PLEKHA5: variants seen among roughly 807,000 people sequenced by gnomAD.
The protein encoded by PLEKHA5 is pleckstrin homology domain-containing family A member 5.
In PLEKHA5, 55 loss-of-function variants were observed where a neutral mutation model predicts 181.9. That is an observed-to-expected ratio of 0.30 (90% CI 0.24 to 0.38). The LOEUF (loss-of-function observed/expected upper bound fraction) is 0.38, where lower values mean the gene tolerates loss of function less well. Ranked by LOEUF, PLEKHA5 falls within the 10% of genes least tolerant of loss-of-function variation. The probability of loss-of-function intolerance (pLI) is 1.00; values close to 1 mark genes in which losing one functional copy is unlikely to be tolerated. For missense variants in PLEKHA5, 1,432 were observed against 1,549.5 expected (o/e 0.92, Z 1.27); for synonymous variants, 535 against 529.4 (o/e 1.01, Z -0.15).
At chr12:19,349,281 A>C (rs1157366337) in intron 25 of PLEKHA5, among the ~76,000 whole-genome samples, 2 of 151,886 alleles carry the variant, frequency 1.3e-5, no homozygotes, top group East Asian at 3.9e-4. Flanking sequence ...ATACCCAACT[A>C]ATTTTTTAAG....
At chr12:19,313,945 A>T (rs1284055090) in intron 15 of PLEKHA5, among the ~76,000 whole-genome samples, 1 of 152,190 alleles carries the variant, frequency 6.6e-6, no homozygotes, top group African/African-American at 2.4e-5. Flanking sequence ...TTTGTCAACC[A>T]CGATAGAAAT....
chr12:19,177,876 T>A (rs148287257), intron 3 of PLEKHA5, among the ~76,000 whole-genome samples: 156 of 152,374 alleles, frequency 1.0e-3, no homozygotes, highest in African/African-American at 3.6e-3. Context: ...TTTTCTGCCA[T>A]GATTACTTTT....
At chr12:19,248,431 C>T (rs1280425693) in intron 3 of PLEKHA5, among the ~76,000 whole-genome samples, 2 of 152,152 alleles carry the variant, frequency 1.3e-5, no homozygotes, top group Non-Finnish European at 2.9e-5. Flanking sequence ...CTCCCGGCCT[C>T]AAGTGATCCA....
intron 3 of PLEKHA5, among the ~76,000 whole-genome samples, chr12:19,186,275 AAAT>A (rs2049844409): frequency 1.3e-5 from 2 of 152,334 alleles, no homozygotes; most frequent in Non-Finnish European, 2.9e-5. Flanking sequence ...GTACCATTAA[AAAT>A]AACAGAGCAG....
chr12:19,142,783 TA>T (rs1200010656), intron 3 of PLEKHA5, among the ~76,000 whole-genome samples: 1 of 152,212 alleles, frequency 6.6e-6, no homozygotes, highest in African/African-American at 2.4e-5. Context: ...AGTGTAACTC[TA>T]TACTCACTTT....
At chr12:19,279,828 T>A (rs2075604949) in intron 11 of PLEKHA5, among the ~76,000 whole-genome samples, 1 of 152,038 alleles carries the variant, frequency 6.6e-6, no homozygotes, top group Non-Finnish European at 1.5e-5. Flanking sequence ...TGATTTTTGA[T>A]CAACCACTTT....
chr12:19,264,742 C>T (rs1007221151), intron 7 of PLEKHA5, among the ~76,000 whole-genome samples: 3 of 151,300 alleles, frequency 2.0e-5, no homozygotes, highest in East Asian at 1.9e-4. Flanking sequence ...GAAATGAGGG[C>T]GAAATAAATA....
chr12:19,367,027 A>C (rs2153276323), intron 30 of PLEKHA5, among the ~76,000 whole-genome samples: 1 of 151,880 alleles, frequency 6.6e-6, no homozygotes, highest in East Asian at 2.0e-4. Context: ...CTGGGACTAC[A>C]GGTGTGTGCC....
intron 3 of PLEKHA5, among the ~76,000 whole-genome samples, chr12:19,138,154 T>C (rs2036222600): frequency 6.6e-6 from 1 of 152,222 alleles, no homozygotes; most frequent in Non-Finnish European, 1.5e-5. Flanking sequence ...TGGAATTTCT[T>C]TGAATTTGTT....
chr12:19,208,177 A>G (rs1374784036), intron 3 of PLEKHA5, among the ~76,000 whole-genome samples: 1 of 151,960 alleles, frequency 6.6e-6, no homozygotes, highest in Non-Finnish European at 1.5e-5. Flanking sequence ...GGAGGCCTAG[A>G]TGGGTGGATC....
At chr12:19,256,206 T>C (rs1439573900) in intron 5 of PLEKHA5, among the ~76,000 whole-genome samples, 2 of 152,060 alleles carry the variant, frequency 1.3e-5, no homozygotes, top group Non-Finnish European at 2.9e-5. Flanking sequence ...AAAATACTAA[T>C]TAAAACCAGA....
At position 19,279,074 on chromosome 12, in the gene PLEKHA5, G is replaced by T. The variant is rs532492160; in HGVS notation, c.1313+4091G>T. 1.1e-4 allele frequency among the ~76,000 whole-genome samples: 17 copies of T among 152,220 alleles called. No homozygotes were observed. The South Asian group carries it at 2.5e-3, about 22-fold the overall frequency. Reference sequence around the variant, plus strand: ...TTCTAGATGAGAAAAGAGGATCCCAGTTTCAGTTGGCCATTGGCTAGATTT... The same window carrying T: ...TTCTAGATGAGAAAAGAGGATCCCATTTTCAGTTGGCCATTGGCTAGATTT... On this transcript the variant is annotated intron_variant, in intron 11 of 31. Transcript: ENST00000429027.
intron 3 of PLEKHA5, among the ~76,000 whole-genome samples, chr12:19,187,177 C>A (rs2151915386): frequency 6.6e-6 from 1 of 152,226 alleles, no homozygotes; most frequent in South Asian, 2.1e-4. Context: ...CCCGCTTTTG[C>A]TATGTCTAGA....
intron 3 of PLEKHA5, among the ~76,000 whole-genome samples, chr12:19,158,017 A>C (rs1177749944): frequency 3.3e-5 from 5 of 152,162 alleles, no homozygotes; most frequent in African/African-American, 1.2e-4. Context: ...CTATTGCCAT[A>C]AACTTGGATC....
At chr12:19,142,830 T>TTTTTATGTA (rs1237891270) in intron 3 of PLEKHA5, among the ~76,000 whole-genome samples, 2 of 152,186 alleles carry the variant, frequency 1.3e-5, no homozygotes, top group African/African-American at 4.8e-5. Flanking sequence ...TTCTATTCTA[T>TTTTTATGTA]TTTTATGTAT....
At chr12:19,228,368 GT>G (rs1247984181) in intron 3 of PLEKHA5, among the ~76,000 whole-genome samples, 3 of 152,084 alleles carry the variant, frequency 2.0e-5, no homozygotes, top group African/African-American at 4.8e-5. Context: ...ATGACTTCCT[GT>G]TTTCTACTCT....
chr12:19,130,185 G>C lies in PLEKHA5; in HGVS notation c.169+55G>C. 3 of 1,213,368 alleles carry C rather than the reference G, an allele frequency of 2.5e-6. No homozygotes were observed. Among genetic ancestry groups the C allele is most frequent in the Non-Finnish European group, 3.4e-6 (3 of 887,380 alleles). 75.2% of individuals were successfully genotyped at this position (1,213,368 alleles called of 1,614,324 possible). The stretch of plus-strand genomic sequence containing the variant: ...CCGCCTGGAGGAGGCGGCAGAGCCC[G>C]GGCCGCCCGGCTCCCCGCAACCTGC... On this transcript the variant is annotated intron_variant, in intron 2 of 31. Transcript: ENST00000429027. The surrounding 1 kb of genome is among the most constrained non-coding windows in gnomAD (Gnocchi z 4.5).
At chr12:19,209,471 G>T (rs2056456388) in intron 3 of PLEKHA5, among the ~76,000 whole-genome samples, 1 of 152,200 alleles carries the variant, frequency 6.6e-6, no homozygotes, top group South Asian at 2.1e-4. Flanking sequence ...GATTGATTCA[G>T]TATACACAAA....
At chr12:19,235,783 T>TAC (rs895404396) in intron 3 of PLEKHA5, among the ~76,000 whole-genome samples, 10 of 152,084 alleles carry the variant, frequency 6.6e-5, no homozygotes, top group Non-Finnish European at 1.3e-4. Flanking sequence ...AATTAAAACA[T>TAC]ACACACACAC....
Sources: gnomAD v4.1 joint callset for allele counts (sites outside exome capture counted in the v4.1 genomes callset) on GRCh38, gnomAD v4.1.1 for gene constraint, Gnocchi (gnomAD v3.1) non-coding constraint, MANE v1.5 for transcripts, NCBI Gene and HGNC (gene_info 2026-07-23, HGNC 2026-07-21) for gene names.